The following STS variants were observed in gnomAD, a reference collection of about 807,000 sequenced individuals.
STS encodes steroid sulfatase.
Under a neutral mutation model 26.8 loss-of-function variants are expected in STS, and 7 were observed. The ratio of observed to expected loss-of-function variants is 0.26; its 90% CI spans 0.15 to 0.49. The LOEUF (loss-of-function observed/expected upper bound fraction) is 0.49, where lower values mean the gene tolerates loss of function less well. Among genes scored for constraint, STS ranks in the 20% least tolerant of loss-of-function variants. The probability of loss-of-function intolerance (pLI) is 0.98; values close to 1 mark genes in which losing one functional copy is unlikely to be tolerated. For missense variants in STS, 434 were observed against 465.6 expected, an observed-to-expected ratio of 0.93 and a Z score of 0.63; for synonymous variants, 199 against 189.4, an observed-to-expected ratio of 1.05 and a Z score of -0.42.
At chrX:7,315,836 A>C (rs1926688021) in intron 8 of STS, among the ~76,000 whole-genome samples, 1 of 111,552 alleles carries the variant, frequency 9.0e-6, no homozygotes, top group South Asian at 3.8e-4. Flanking sequence ...GTGCCCACCC[A>C]GATTGAGGGT....
At chrX:7,315,393 A>G (rs1451274057) in intron 8 of STS, among the ~76,000 whole-genome samples, 4 of 111,967 alleles carry the variant, frequency 3.6e-5, no homozygotes, top group Non-Finnish European at 5.6e-5. Flanking sequence ...TAGGCTTTTA[A>G]GGAGCTTTGT....
At chrX:7,320,059 A>G (rs866989562) in intron 8 of STS, among the ~76,000 whole-genome samples, 206 of 92,780 alleles carry the variant, frequency 2.2e-3, no homozygotes, top group African/African-American at 7.8e-3. Context: ...ATATTTATAT[A>G]TATATTTTAT....
intron 8 of STS, among the ~76,000 whole-genome samples, chrX:7,315,694 T>G (rs1228350112): frequency 9.0e-6 from 1 of 111,096 alleles, no homozygotes; most frequent in Non-Finnish European, 1.9e-5. Flanking sequence ...CCTGAAGAAC[T>G]TGGAGTCTGA....
intron 6 of STS, among the ~76,000 whole-genome samples, chrX:7,267,474 G>A (rs1197885724): frequency 5.3e-5 from 6 of 112,359 alleles, no homozygotes; most frequent in Non-Finnish European, 1.1e-4. Flanking sequence ...CTGGTGGGTA[G>A]AATGAGATTC....
chrX:7,349,912 T>C lies in STS; in HGVS notation c.1388T>C (p.Phe463Ser). ...GGCACATCCATCTGGAAGGCCTTTT[T>C]CTTCACCCCCAACTTCAACCCCGTG... ...QNSTSIWKAFFFTPNFNPVGS... is the reference protein window; with the variant it reads ...QNSTSIWKAFSFTPNFNPVGS... Residue 463 changes from phenylalanine (F) to serine (S), a missense_variant, in exon 11 of 11, where the codon TTC becomes TCC. This residue lies in a region of STS where 205 missense variants were observed against 177.3 expected (regional missense o/e 1.16). Transcript: ENST00000674429. 8.3e-7 allele frequency: 1 copy of C among 1,211,981 alleles called. No individual in the cohort carries two copies. The highest frequency in any genetic ancestry group is 1.1e-6 in the Non-Finnish European group (1 of 895,517).
intron 6 of STS, among the ~76,000 whole-genome samples, chrX:7,270,537 C>G (rs778206623): frequency 1.8e-5 from 2 of 111,666 alleles, no homozygotes; most frequent in Non-Finnish European, 3.8e-5. Context: ...TTTTGCAAGC[C>G]AAGTATGCTT....
chrX:7,232,086 G>A (rs1218077524), intron 2 of STS, among the ~76,000 whole-genome samples: 1 of 111,799 alleles, frequency 8.9e-6, no homozygotes, highest in Non-Finnish European at 1.9e-5. Context: ...CTATGGCATA[G>A]GGTCCTATTA....
chrX:7,296,015 G>A (rs574291976), intron 7 of STS, among the ~76,000 whole-genome samples: 41 of 111,514 alleles, frequency 3.7e-4, no homozygotes, highest in Non-Finnish European at 6.8e-4. Context: ...TCGATGGTGT[G>A]GTAGAGCATC....
At chrX:7,237,943 T>C (rs1240781910) in intron 2 of STS, among the ~76,000 whole-genome samples, 1 of 111,529 alleles carries the variant, frequency 9.0e-6, no homozygotes, top group Admixed American at 9.5e-5. Context: ...GATTTTTTAC[T>C]TTTGTTTCTG....
chrX:7,323,574 G>A (rs1927174787), intron 8 of STS, among the ~76,000 whole-genome samples: 1 of 111,820 alleles, frequency 8.9e-6, no homozygotes, highest in African/African-American at 3.3e-5. Context: ...TTATGGCTGT[G>A]TAGTATTCCA....
Position 7,147,944 on chromosome X carries a change from A to G in STS, c.-273A>G, listed in dbSNP as rs764546892. 90 of 625,431 alleles carry G rather than the reference A, an allele frequency of 1.4e-4. No individual in the cohort carries two copies. Among genetic ancestry groups the G allele is most frequent in the Non-Finnish European group, 1.8e-4 (75 of 408,704 alleles). 51.5% of individuals were successfully genotyped at this position (625,431 alleles called of 1,213,427 possible). ...CGCGCGGGAGCCCGAGCGTCCCTGC[A>G]TGAACACCGCCCCGCCGCGGCCCCC... On this transcript the variant is annotated 5_prime_UTR_variant, in exon 1 of 11. It removes an upstream start codon present in the reference 5' UTR. Transcript: ENST00000674429.
intron 1 of STS, among the ~76,000 whole-genome samples, chrX:7,151,046 A>T (rs1231387892): frequency 1.8e-5 from 2 of 112,714 alleles, no homozygotes; most frequent in Non-Finnish European, 3.7e-5. Context: ...CATCAAAAGC[A>T]CATTATCAAT....
chrX:7,302,290 A>T (rs1038837422), intron 7 of STS, among the ~76,000 whole-genome samples: 2 of 111,727 alleles, frequency 1.8e-5, no homozygotes, highest in Non-Finnish European at 3.8e-5. Context: ...CTTTCAAAGT[A>T]TAAACGGGGG....
At chrX:7,288,987 T>G (rs1455714965) in intron 7 of STS, among the ~76,000 whole-genome samples, 2 of 111,175 alleles carry the variant, frequency 1.8e-5, no homozygotes, top group African/African-American at 6.5e-5. Context: ...CAATAATTAG[T>G]TCAAACCTAC....
intron 2 of STS, among the ~76,000 whole-genome samples, chrX:7,220,137 T>G (rs187330262): frequency 8.9e-6 from 1 of 111,815 alleles, no homozygotes; most frequent in South Asian, 3.8e-4. Flanking sequence ...ATTGGTGTGT[T>G]TTTATTTTTT....
chrX:7,345,234 G>A (rs1030132526), intron 10 of STS, among the ~76,000 whole-genome samples: 2 of 111,697 alleles, frequency 1.8e-5, no homozygotes, highest in African/African-American at 3.3e-5. Flanking sequence ...TTCTGTAACC[G>A]GTTACAGGGA....
chrX:7,204,974 A>G (rs1934174310), intron 2 of STS, among the ~76,000 whole-genome samples: 2 of 110,319 alleles, frequency 1.8e-5, no homozygotes, highest in South Asian at 7.6e-4. Context: ...GATAGTCATG[A>G]TTGTTTTGCT....
At chrX:7,284,756 T>C (rs1925044453) in intron 7 of STS, among the ~76,000 whole-genome samples, 1 of 112,028 alleles carries the variant, frequency 8.9e-6, no homozygotes, top group South Asian at 3.7e-4. Context: ...TCATGTAAAA[T>C]GTAAATGTAA....
chrX:7,282,771 G>T (rs1325028833), intron 7 of STS, among the ~76,000 whole-genome samples: 1 of 112,115 alleles, frequency 8.9e-6, no homozygotes, highest in Admixed American at 9.5e-5. Flanking sequence ...TGAAAGTATG[G>T]CGGTCAGGTG....
Sources: gnomAD v4.1 joint callset for allele counts (sites outside exome capture counted in the v4.1 genomes callset) on GRCh38, gnomAD v4.1.1 for gene constraint, gnomAD v4.1.1 regional missense constraint, MANE v1.5 for transcripts, NCBI Gene and HGNC (gene_info 2026-07-23, HGNC 2026-07-21) for gene names.